TVP23A: variants seen among roughly 807,000 people sequenced by gnomAD.
TVP23A encodes the protein Golgi apparatus membrane protein TVP23 homolog A.
Under a neutral mutation model 31.7 loss-of-function variants are expected in TVP23A, and 21 were observed. That is an observed-to-expected ratio of 0.66 (90% CI 0.47 to 0.95). TVP23A has a LOEUF of 0.95. Ranked by LOEUF, TVP23A falls within the 40% of genes least tolerant of loss-of-function variation. The pLI, the probability that TVP23A is intolerant of heterozygous loss-of-function variation, is 0.00. For missense variants in TVP23A, 279 were observed against 255.6 expected (o/e 1.09, Z -0.62); for synonymous variants, 104 against 96.0 (o/e 1.08, Z -0.49).
chr16:10,795,358 C>T (rs1439618111), intron 2 of TVP23A, among the ~76,000 whole-genome samples: 1 of 151,558 alleles, frequency 6.6e-6, no homozygotes, highest in Non-Finnish European at 1.5e-5. Context: ...TCAAGTGATT[C>T]TCCTGCCTCA....
chr16:10,809,923 C>T (rs1221436990), intron 2 of TVP23A, among the ~76,000 whole-genome samples: 2 of 152,162 alleles, frequency 1.3e-5, no homozygotes, highest in Non-Finnish European at 2.9e-5. Context: ...CCAAAAAAAG[C>T]ACGTACATAA....
At chr16:10,798,653 T>A (rs7191925) in intron 2 of TVP23A, among the ~76,000 whole-genome samples, 5,220 of 147,726 alleles carry the variant, frequency 0.035, 171 homozygotes, top group African/African-American at 0.11. Flanking sequence ...TGGCAGCTTA[T>A]GTTTTGTTTT....
downstream of TVP23A, among the ~76,000 whole-genome samples, chr16:10,765,327 T>TAAAA (rs533208449): frequency 9.0e-6 from 1 of 111,270 alleles, no homozygotes; most frequent in African/African-American, 3.4e-5. The surrounding 1 kb of genome is among the most constrained non-coding windows in gnomAD (Gnocchi z 4.0). Flanking sequence ...CCTCATCTCT[T>TAAAA]AAAAAAAAAA....
downstream of TVP23A, among the ~76,000 whole-genome samples, chr16:10,759,005 C>T (rs969606316): frequency 2.0e-5 from 3 of 152,306 alleles, no homozygotes; most frequent in African/African-American, 7.2e-5. The surrounding 1 kb of genome is among the most constrained non-coding windows in gnomAD (Gnocchi z 4.7). Flanking sequence ...TCTTCTCCAT[C>T]TCCACAGTTA....
At chr16:10,811,861 G>A (rs1167318585) in intron 2 of TVP23A, among the ~76,000 whole-genome samples, 2 of 138,256 alleles carry the variant, frequency 1.4e-5, no homozygotes. Flanking sequence ...CCAAGATCAC[G>A]CCACTGCACT....
downstream of TVP23A, among the ~76,000 whole-genome samples, chr16:10,760,735 T>TA (rs373845717): frequency 1.5e-4 from 23 of 148,830 alleles, no homozygotes; most frequent in African/African-American, 3.2e-4. Flanking sequence ...ATCCTGTCTC[T>TA]AAAAAAAAAA....
chr16:10,785,297 A>G (rs1185122225), intron 2 of TVP23A, among the ~76,000 whole-genome samples: 2 of 151,102 alleles, frequency 1.3e-5, no homozygotes, highest in African/African-American at 4.9e-5. Context: ...CCAGCTACTC[A>G]GGAGGCTGAG....
At chr16:10,757,893 C>T (rs764698987), downstream of TVP23A, 20 of 1,614,026 alleles carry the variant, frequency 1.2e-5, no homozygotes, top group Non-Finnish European at 1.5e-5. This position sits in a 1 kb window ranked among gnomAD's most constrained non-coding sequence, Gnocchi z 4.1. Flanking sequence ...GCAGTTCCTC[C>T]GAGATGTGGA....
rs558148144 is a variant in TVP23A at position 10,814,349 on chromosome 16, T to A, written c.89+3754A>T. Among the ~76,000 whole-genome samples the A allele has an allele frequency of 1.1e-4, 16 of 152,302 alleles. No homozygotes were observed. The South Asian group carries it at 3.3e-3, about 32-fold the overall frequency. ...CCCAGCTGTCCACTGGCTACTAGAA[T>A]GTTCCAACACAGACTAACAAGGACC... On this transcript the variant is annotated intron_variant, in intron 2 of 7. Coordinates refer to ENST00000299866, the MANE Select transcript of TVP23A (RefSeq NM_001079512.4).
At position 10,817,990 on chromosome 16, in the gene TVP23A, A is replaced by G. The variant is rs893768712; in HGVS notation, c.89+113T>C. On this transcript the variant is annotated intron_variant, in intron 2 of 7. Transcript: ENST00000299866. ...CTGATGTGTCCACAGATATGTCCCC[A>G]GCCCCAGACCTGGCACACAGTAGGT... 4.3e-5 allele frequency: 39 copies of G among 916,632 alleles called. No homozygotes were observed. The African/African-American group carries it at 5.5e-4, about 13-fold the overall frequency. 56.8% of individuals were successfully genotyped at this position (916,632 alleles called of 1,614,324 possible).
chr16:10,761,268 C>G (rs566905285), exon 9 of TVP23A: 143 of 1,114,640 alleles, frequency 1.3e-4, no homozygotes, highest in Non-Finnish European at 1.8e-4. Context: ...GCTTTATGAT[C>G]GCAGATCCAC....
chr16:10,758,162 T>A, downstream of TVP23A: 1 of 1,013,928 alleles, frequency 9.9e-7, no homozygotes, highest in Non-Finnish European at 1.4e-6. Context: ...CTGATGTGGG[T>A]CTGCAGAAAC....
intron 7 of TVP23A, chr16:10,769,390 G>A: frequency 2.8e-6 from 1 of 362,326 alleles, no homozygotes; most frequent in Non-Finnish European, 5.0e-6. Flanking sequence ...CAAATGGGTT[G>A]TGGGATCGTG....
chr16:10,762,869 C>T (rs141199591), downstream of TVP23A, among the ~76,000 whole-genome samples: 31 of 151,784 alleles, frequency 2.0e-4, no homozygotes, highest in South Asian at 2.7e-3. Flanking sequence ...GCGGAGGCCA[C>T]GTGGGGAGCC....
Position 10,769,037 on chromosome 16 carries a change from T to C in TVP23A, c.*65A>G. 1.2e-6 allele frequency: 2 copies of C among 1,614,010 alleles called. No homozygotes were observed. Among genetic ancestry groups the C allele is most frequent in the Non-Finnish European group, 8.5e-7 (1 of 1,179,892 alleles). On this transcript the variant is annotated 3_prime_UTR_variant, in exon 8 of 8. Transcript: ENST00000299866. ...CATTAGCACTCTATGCCTGTCGTCT[T>C]GTTTTCCAGGAATCCAAGAGTTTTG...
chr16:10,797,635 G>T (rs2033460473), intron 2 of TVP23A, among the ~76,000 whole-genome samples: 1 of 152,054 alleles, frequency 6.6e-6, no homozygotes, highest in African/African-American at 2.4e-5. Context: ...GGAGACTGAG[G>T]ATTGAACCTG....
chr16:10,818,001 T>G lies in TVP23A; in HGVS notation c.89+102A>C. On this transcript the variant is annotated intron_variant, in intron 2 of 7. Transcript: ENST00000299866. This position sits in a 1 kb window ranked among gnomAD's most constrained non-coding sequence, Gnocchi z 4.7. Reference sequence around the variant, plus strand: ...ACAGATATGTCCCCAGCCCCAGACCTGGCACACAGTAGGTGCTCAATATAT... The same window carrying G: ...ACAGATATGTCCCCAGCCCCAGACCGGGCACACAGTAGGTGCTCAATATAT... 4.9e-6 allele frequency: 5 copies of G among 1,019,518 alleles called. No homozygotes were observed. The highest frequency in any genetic ancestry group is 7.5e-6 in the Non-Finnish European group (5 of 669,578). The allele number at this position is 1,019,518 out of a possible 1,614,324, so 63.2% of individuals were successfully genotyped here. A position where few individuals can be genotyped will look rare whatever the true frequency, so the allele number is the denominator to read the frequency against.
Position 10,770,299 on chromosome 16 carries a change from G to A in TVP23A, c.615C>T (p.Leu205=), listed in dbSNP as rs770531065. ...ACPGDFQKPG[L]EGLEIHQH ...AATGCTGGTGAATCTCCAGCCCCTC[G>A]AGGCCAGGCTTCTGAAAGTCACCTG... Residue 205 remains leucine (L), a synonymous_variant, in exon 7 of 8, where the codon CTC becomes CTT. Coordinates refer to ENST00000299866, the MANE Select transcript of TVP23A (RefSeq NM_001079512.4). The A allele has an allele frequency of 2.5e-5, 38 of 1,550,918 alleles. No homozygotes were observed. The highest frequency in any genetic ancestry group is 3.3e-4 in the Middle Eastern group (2 of 5,994).
chr16:10,777,518 C>T lies in TVP23A; in HGVS notation c.90-2422G>A, dbSNP rs143769154. 2.6e-5 allele frequency among the ~76,000 whole-genome samples: 4 copies of T among 152,228 alleles called. No homozygotes were observed. The highest frequency in any genetic ancestry group is 5.9e-5 in the Non-Finnish European group (4 of 68,014). On this transcript the variant is annotated intron_variant, in intron 2 of 7. Transcript: ENST00000299866. This position sits in a 1 kb window ranked among gnomAD's most constrained non-coding sequence, Gnocchi z 4.5. ...AGAAACGGAGTCCGAGTCAACAAAC[C>T]ACAGGTGCCTCTACAACTGTGGGGC... is the stretch of plus-strand genomic sequence containing the variant.
Sources: gnomAD v4.1 joint callset for allele counts (sites outside exome capture counted in the v4.1 genomes callset) on GRCh38, gnomAD v4.1.1 for gene constraint, Gnocchi (gnomAD v3.1) non-coding constraint, MANE v1.5 for transcripts, NCBI Gene and HGNC (gene_info 2026-07-23, HGNC 2026-07-21) for gene names.